Variants in PABPC4L observed in about 807,000 individuals in gnomAD.
PABPC4L encodes poly(A) binding protein cytoplasmic 4 like.
For synonymous variants in PABPC4L, 169 were observed against 164.1 expected, an observed-to-expected ratio of 1.03 and a Z score of -0.23; for missense variants, 452 against 451.4, an observed-to-expected ratio of 1.00 and a Z score of -0.01.
At chr4:133,959,061 A>G in the PABPC4L span, among the ~76,000 whole-genome samples, 1 of 152,192 alleles carries the variant, frequency 6.6e-6, no homozygotes, top group South Asian at 2.1e-4. Context: ...TCATTTCTGA[A>G]GGCTCCCATG....
At chr4:134,162,187 A>G in the PABPC4L span, among the ~76,000 whole-genome samples, 1 of 152,136 alleles carries the variant, frequency 6.6e-6, no homozygotes, top group Admixed American at 6.5e-5. Flanking sequence ...GAACAACAAA[A>G]CAACCAGAAA....
At chr4:133,980,837 G>C in the PABPC4L span, among the ~76,000 whole-genome samples, 5 of 152,122 alleles carry the variant, frequency 3.3e-5, no homozygotes, top group Non-Finnish European at 7.3e-5. Context: ...TATGTACATA[G>C]CCTTTCTGCT....
At chr4:134,061,335 A>T in the PABPC4L span, among the ~76,000 whole-genome samples, 2 of 152,016 alleles carry the variant, frequency 1.3e-5, no homozygotes, top group African/African-American at 4.8e-5. Flanking sequence ...GGGCTCAAAG[A>T]TACACTCTTA....
At chr4:134,085,620 C>A in the PABPC4L span, among the ~76,000 whole-genome samples, 4 of 152,148 alleles carry the variant, frequency 2.6e-5, no homozygotes, top group African/African-American at 9.7e-5. Context: ...ATACTTCTAA[C>A]ACCATATGTT....
the PABPC4L span, among the ~76,000 whole-genome samples, chr4:134,024,122 C>A: frequency 6.6e-6 from 1 of 152,078 alleles, no homozygotes; most frequent in African/African-American, 2.4e-5. Context: ...TCTGAACATC[C>A]TTTCTTGATC....
At chr4:134,103,137 C>A in the PABPC4L span, among the ~76,000 whole-genome samples, 2 of 151,468 alleles carry the variant, frequency 1.3e-5, no homozygotes, top group South Asian at 4.2e-4. Flanking sequence ...AAATATAAAT[C>A]ATGATTTATA....
chr4:134,054,915 A>G, the PABPC4L span, among the ~76,000 whole-genome samples: 1 of 152,160 alleles, frequency 6.6e-6, no homozygotes, highest in Non-Finnish European at 1.5e-5. Context: ...ATTGTATGAT[A>G]ATTTTACTGT....
chr4:133,989,161 C>G, the PABPC4L span, among the ~76,000 whole-genome samples: 1 of 152,084 alleles, frequency 6.6e-6, no homozygotes, highest in African/African-American at 2.4e-5. Context: ...CAATGAAGGT[C>G]TCTGATATGT....
the PABPC4L span, among the ~76,000 whole-genome samples, chr4:133,996,418 C>A: frequency 1.3e-5 from 2 of 152,112 alleles, no homozygotes; most frequent in African/African-American, 4.8e-5. Flanking sequence ...CTTAATTGAG[C>A]CTGCGAGACG....
chr4:134,045,634 A>C, the PABPC4L span, among the ~76,000 whole-genome samples: 1 of 152,116 alleles, frequency 6.6e-6, no homozygotes, highest in East Asian at 1.9e-4. Context: ...TTCCAAGTCA[A>C]TCCTGTTAGG....
At chr4:134,174,998 T>A in the PABPC4L span, among the ~76,000 whole-genome samples, 1 of 152,162 alleles carries the variant, frequency 6.6e-6, no homozygotes, top group Non-Finnish European at 1.5e-5. Flanking sequence ...TATTATTTTA[T>A]GGCCATGTGT....
the PABPC4L span, among the ~76,000 whole-genome samples, chr4:134,043,896 GTA>G: frequency 2.0e-5 from 3 of 147,234 alleles, no homozygotes; most frequent in African/African-American, 5.0e-5. Context: ...CATATATGCT[GTA>G]TATATATGTG....
At chr4:134,159,845 G>A in the PABPC4L span, among the ~76,000 whole-genome samples, 1 of 152,270 alleles carries the variant, frequency 6.6e-6, no homozygotes, top group African/African-American at 2.4e-5. Flanking sequence ...TCCCCCAATT[G>A]CAGGATGAGC....
chr4:134,095,373 A>T, the PABPC4L span, among the ~76,000 whole-genome samples: 9 of 152,032 alleles, frequency 5.9e-5, no homozygotes, highest in Non-Finnish European at 1.5e-5. Flanking sequence ...AAATACTCAC[A>T]AATAACATTT....
At chr4:134,030,673 A>C in the PABPC4L span, among the ~76,000 whole-genome samples, 1 of 152,162 alleles carries the variant, frequency 6.6e-6, no homozygotes, top group East Asian at 1.9e-4. Context: ...ATCTGTGGTA[A>C]TGAATGAACA....
the PABPC4L span, among the ~76,000 whole-genome samples, chr4:134,042,003 G>A: frequency 6.6e-6 from 1 of 152,128 alleles, no homozygotes; most frequent in Non-Finnish European, 1.5e-5. Context: ...CAAAGATATG[G>A]AATCAACCCA....
chr4:133,966,867 T>C, the PABPC4L span, among the ~76,000 whole-genome samples: 4 of 152,110 alleles, frequency 2.6e-5, no homozygotes, highest in Non-Finnish European at 5.9e-5. Context: ...TTTGAAATGG[T>C]TTCAAAAACA....
the PABPC4L span, among the ~76,000 whole-genome samples, chr4:134,020,384 A>C: frequency 1.3e-5 from 2 of 152,134 alleles, no homozygotes; most frequent in African/African-American, 4.8e-5. Context: ...TTTTGAAACA[A>C]TCAATGTTAT....
chr4:134,059,249 A>C, the PABPC4L span, among the ~76,000 whole-genome samples: 1 of 151,750 alleles, frequency 6.6e-6, no homozygotes, highest in Non-Finnish European at 1.5e-5. Flanking sequence ...ATCTATCCTC[A>C]TCCATGTACA....
Sources: gnomAD v4.1 joint callset for allele counts (sites outside exome capture counted in the v4.1 genomes callset) on GRCh38, gnomAD v4.1.1 for gene constraint, MANE v1.5 for transcripts, NCBI Gene and HGNC (gene_info 2026-07-23, HGNC 2026-07-21) for gene names.